The following STK24 variants were observed in gnomAD, a reference collection of about 807,000 sequenced individuals.
The protein encoded by STK24 is serine/threonine kinase 24.
In STK24, 21 loss-of-function variants were observed where a neutral mutation model predicts 55.6. That is an observed-to-expected ratio of 0.38 (90% CI 0.27 to 0.54). The LOEUF (loss-of-function observed/expected upper bound fraction) is 0.54. STK24 is among the 20% of genes least tolerant of loss of function. The pLI is 0.79. For missense variants in STK24, 383 were observed against 538.4 expected (o/e 0.71, Z 2.86); for synonymous variants, 200 against 215.2 (o/e 0.93, Z 0.62).
intron 3 of STK24, 149 bp downstream of exon 3, chr13:98,482,116 C>G (rs1414434124): frequency 7.1e-6 from 3 of 423,090 alleles, no homozygotes; most frequent in Non-Finnish European, 1.3e-5. Context: ...ATATAAGAAG[C>G]AAAAAAACAC....
intron 9 of STK24, 118 bp downstream of exon 9, chr13:98,460,254 G>T: frequency 2.1e-6 from 2 of 974,782 alleles, no homozygotes; most frequent in Non-Finnish European, 3.2e-6. Flanking sequence ...GGCTTTCCGA[G>T]CCTTTGCCAG....
At chr13:98,473,604 A>T (rs1017258645) in intron 5 of STK24, among the ~76,000 whole-genome samples, 4 of 152,032 alleles carry the variant, frequency 2.6e-5, no homozygotes, top group African/African-American at 9.7e-5. Context: ...GGGTAGAGAC[A>T]CTCCCAGGCA....
At chr13:98,570,936 C>T (rs1285042430) in intron 1 of STK24, among the ~76,000 whole-genome samples, 2 of 152,126 alleles carry the variant, frequency 1.3e-5, no homozygotes, top group Admixed American at 6.5e-5. Flanking sequence ...ACTTCTATTT[C>T]CTGCACTCAC....
chr13:98,514,319 G>T (rs1466055129), intron 2 of STK24, among the ~76,000 whole-genome samples: 1 of 152,182 alleles, frequency 6.6e-6, no homozygotes, highest in African/African-American at 2.4e-5. Context: ...AAAATGACTG[G>T]TTTTTCTGTT....
chr13:98,518,573 G>T (rs1403719167), intron 2 of STK24, among the ~76,000 whole-genome samples: 11 of 152,274 alleles, frequency 7.2e-5, no homozygotes, highest in Admixed American at 3.3e-4. Context: ...ACACAAGAAC[G>T]GTCATAAGCC....
chr13:98,538,222 C>CCTTT (rs1896790077), intron 1 of STK24, among the ~76,000 whole-genome samples: 1 of 91,610 alleles, frequency 1.1e-5, no homozygotes, highest in East Asian at 3.6e-4. Context: ...TTGGTGCTTG[C>CCTTT]TTTTTTTTTT....
At chr13:98,481,731 T>A (rs1408182004) in intron 3 of STK24, among the ~76,000 whole-genome samples, 1 of 146,334 alleles carries the variant, frequency 6.8e-6, no homozygotes, top group Non-Finnish European at 1.5e-5. Context: ...TGGTTTCCCA[T>A]GAAACAAAAC....
At chr13:98,488,414 T>C (rs1894890848) in intron 2 of STK24, among the ~76,000 whole-genome samples, 1 of 151,930 alleles carries the variant, frequency 6.6e-6, no homozygotes, top group Non-Finnish European at 1.5e-5. Context: ...TTCAGGGGAG[T>C]TTTATTTATC....
At chr13:98,551,584 G>A (rs1039641422) in intron 1 of STK24, among the ~76,000 whole-genome samples, 2 of 151,802 alleles carry the variant, frequency 1.3e-5, no homozygotes, top group African/African-American at 4.8e-5. Flanking sequence ...AACCCAAACT[G>A]CAGTCCACTC....
At chr13:98,514,684 G>C (rs1275441525) in intron 2 of STK24, among the ~76,000 whole-genome samples, 1 of 152,168 alleles carries the variant, frequency 6.6e-6, no homozygotes, top group South Asian at 2.1e-4. Context: ...AATTTGAAAA[G>C]CACAGCTTTT....
In STK24 at chr13:98,452,253, C is replaced by T. The variant is rs549801288; in HGVS notation, c.*920G>A. On this transcript the variant is annotated 3_prime_UTR_variant, in exon 11 of 11. Coordinates refer to ENST00000539966, the MANE Select transcript of STK24 (RefSeq NM_001032296.4). Reference sequence around the variant, plus strand: ...TCCACTACAAGGTGCAACAGAAAATCGTATTGGAAAGGACGGTACATCTGG... The same window carrying T: ...TCCACTACAAGGTGCAACAGAAAATTGTATTGGAAAGGACGGTACATCTGG... 17 of 152,372 alleles carry T rather than the reference C, an allele frequency of 1.1e-4. No homozygotes were observed. Among genetic ancestry groups the T allele is most frequent in the African/African-American group, 3.8e-4 (16 of 41,562 alleles). 9.4% of individuals were successfully genotyped at this position (152,372 alleles called of 1,614,324 possible).
chr13:98,551,313 T>C (rs1897155441), intron 1 of STK24, among the ~76,000 whole-genome samples: 2 of 151,616 alleles, frequency 1.3e-5, no homozygotes, highest in Admixed American at 1.3e-4. Context: ...AAGACTTATC[T>C]ACGTTTCCCA....
intron 5 of STK24, among the ~76,000 whole-genome samples, chr13:98,469,863 T>C (rs1254261766): frequency 6.6e-6 from 1 of 152,202 alleles, no homozygotes; most frequent in Non-Finnish European, 1.5e-5. Flanking sequence ...GGCAAGCAAT[T>C]TGGCATACAA....
At chr13:98,478,880 C>T (rs537612752) in intron 3 of STK24, among the ~76,000 whole-genome samples, 53 of 152,292 alleles carry the variant, frequency 3.5e-4, no homozygotes, top group African/African-American at 1.3e-3. Context: ...TCCAGCTCCC[C>T]CATTCACCTC....
At chr13:98,454,305 G>A (rs929430851) in intron 10 of STK24, 1 of 152,180 alleles carries the variant, frequency 6.6e-6, no homozygotes, top group African/African-American at 2.4e-5. Context: ...AACAAAGGGT[G>A]AGAACGGGGT....
chr13:98,524,843 T>C (rs1896377405), intron 1 of STK24, among the ~76,000 whole-genome samples: 6 of 152,212 alleles, frequency 3.9e-5, no homozygotes, highest in Admixed American at 3.9e-4. Flanking sequence ...TCTTTTACTA[T>C]TGTCCCAAAA....
intron 1 of STK24, among the ~76,000 whole-genome samples, chr13:98,534,074 T>G (rs1245872771): frequency 6.6e-6 from 1 of 152,128 alleles, no homozygotes; most frequent in African/African-American, 2.4e-5. Flanking sequence ...CACATCCTCC[T>G]CCAACCGCAT....
Position 98,466,364 on chromosome 13 carries a change from T to C in STK24, c.783+12A>G, listed in dbSNP as rs973684721. The C allele has an allele frequency of 1.9e-6, 3 of 1,611,474 alleles. No homozygotes were observed. Among genetic ancestry groups the C allele is most frequent in the Non-Finnish European group, 1.7e-6 (2 of 1,179,658 alleles). On this transcript the variant is annotated intron_variant, in intron 6 of 10. Transcript: ENST00000539966. ...ACATGAAGAGGTACGCTGTGATCCC[T>C]GGGAAACTTACAAAGCTCGGCTCCT...
intron 2 of STK24, among the ~76,000 whole-genome samples, chr13:98,486,801 C>G (rs574654940): frequency 6.6e-6 from 1 of 152,354 alleles, no homozygotes; most frequent in South Asian, 2.1e-4. Flanking sequence ...TCTTGGCTTA[C>G]ACACTGAAAC....
Sources: allele counts gnomAD v4.1 joint callset (sites outside exome capture counted in the v4.1 genomes callset), GRCh38; gene constraint gnomAD v4.1.1; transcripts MANE v1.5; gene names NCBI Gene and HGNC (gene_info 2026-07-23, HGNC 2026-07-21).